The following ZRANB3 variants were observed in gnomAD, a reference collection of about 807,000 sequenced individuals.
The protein encoded by ZRANB3 is DNA annealing helicase and endonuclease ZRANB3.
In ZRANB3, 125 loss-of-function variants were observed where a neutral mutation model predicts 133.8. The observed-to-expected ratio is 0.93, with a 90% CI of 0.81 to 1.08. ZRANB3 has a LOEUF of 1.08. Ranked by LOEUF, ZRANB3 falls within the 50% of genes least tolerant of loss-of-function variation. The probability of loss-of-function intolerance (pLI) is 0.00; values close to 1 mark genes in which losing one functional copy is unlikely to be tolerated. For missense variants in ZRANB3, 1,229 were observed against 1,275.5 expected (o/e 0.96, Z 0.56); for synonymous variants, 387 against 432.7 (o/e 0.89, Z 1.31).
At chr2:135,224,848 A>G (rs1335561927) in intron 14 of ZRANB3, among the ~76,000 whole-genome samples, 1 of 152,150 alleles carries the variant, frequency 6.6e-6, no homozygotes, top group African/African-American at 2.4e-5. Flanking sequence ...AAAAATTTAG[A>G]CTAATCTATT....
At chr2:135,226,588 G>A (rs935680826) in intron 14 of ZRANB3, among the ~76,000 whole-genome samples, 11 of 152,160 alleles carry the variant, frequency 7.2e-5, no homozygotes, top group African/African-American at 2.4e-4. Context: ...AAACTTCAAA[G>A]TGATTTTTAA....
At chr2:135,235,514 T>C (rs1236972424) in intron 12 of ZRANB3, among the ~76,000 whole-genome samples, 2 of 152,182 alleles carry the variant, frequency 1.3e-5, no homozygotes, top group African/African-American at 2.4e-5. Context: ...ATATCCCTGA[T>C]GAACATTGAT....
At chr2:135,511,850 T>G (rs147270656) in intron 1 of ZRANB3, 1 of 765,428 alleles carries the variant, frequency 1.3e-6, no homozygotes. Flanking sequence ...CCATAAAATC[T>G]ATGCAGCATG....
In ZRANB3 at chr2:135,200,397, T is replaced by C; in HGVS notation, c.3185A>G (p.Gln1062Arg). ...TGATCCATGCTTTGATGCTAGAGATTGTCTTCTCACCTGGCTTCTTTCCTT... is the reference window on the plus strand; with the variant it reads ...TGATCCATGCTTTGATGCTAGAGATCGTCTTCTCACCTGGCTTCTTTCCTT... ...QAKERSQVRR[Q>R]SLASKHGSDI... Residue 1062 changes from glutamine (Q) to arginine (R), a missense_variant, in exon 21 of 21, where the codon CAA becomes CGA. Physicochemically the swap from Gln to Arg is conservative, Grantham distance 43. Coordinates refer to ENST00000264159, the MANE Select transcript of ZRANB3 (RefSeq NM_032143.4). 6.2e-7 allele frequency: 1 copy of C among 1,608,146 alleles called. No homozygotes were observed. The highest frequency in any genetic ancestry group is 8.5e-7 in the Non-Finnish European group (1 of 1,177,068).
rs1460400322 is a variant in ZRANB3 at position 135,430,923 on chromosome 2, T to G, written c.162-40103A>C. Among the ~76,000 whole-genome samples the G allele has an allele frequency of 2.0e-5, 3 of 151,856 alleles. No individual in the cohort carries two copies. The East Asian group carries it at 5.8e-4, about 29-fold the overall frequency. On this transcript the variant is annotated intron_variant, in intron 2 of 20. Transcript: ENST00000264159. Reference sequence around the variant, plus strand: ...CCTCATACCATATACAAACTTGAAGTAGAAACACAGATCTATATGTAAAAC... The same window carrying G: ...CCTCATACCATATACAAACTTGAAGGAGAAACACAGATCTATATGTAAAAC...
chr2:135,373,800 A>AGGG (rs1553481047), intron 3 of ZRANB3, among the ~76,000 whole-genome samples: 1 of 14,180 alleles, frequency 7.1e-5, no homozygotes, highest in African/African-American at 1.9e-4. Context: ...AAGAAAAGAA[A>AGGG]GAGGGGAGGG....
intron 1 of ZRANB3, among the ~76,000 whole-genome samples, chr2:135,515,689 G>A (rs1397909365): frequency 6.6e-6 from 1 of 152,186 alleles, no homozygotes; most frequent in Non-Finnish European, 1.5e-5. Flanking sequence ...TTGCTGAGGA[G>A]TGCATTACAT....
intron 2 of ZRANB3, among the ~76,000 whole-genome samples, chr2:135,448,657 CA>C (rs1244810074): frequency 1.3e-5 from 2 of 152,166 alleles, no homozygotes; most frequent in Non-Finnish European, 2.9e-5. Flanking sequence ...AGACTTCATG[CA>C]CTCTGATTAA....
At chr2:135,326,672 C>T (rs923070269) in intron 6 of ZRANB3, among the ~76,000 whole-genome samples, 5 of 151,826 alleles carry the variant, frequency 3.3e-5, no homozygotes, top group South Asian at 2.1e-4. Context: ...GAGGCTGAGG[C>T]GGGCAGATCA....
intron 3 of ZRANB3, among the ~76,000 whole-genome samples, chr2:135,376,028 T>A (rs1686414412): frequency 6.6e-6 from 1 of 152,222 alleles, no homozygotes; most frequent in Non-Finnish European, 1.5e-5. Flanking sequence ...TAGAGTAACC[T>A]TAATTCAATC....
intron 8 of ZRANB3, among the ~76,000 whole-genome samples, chr2:135,307,416 T>C (rs1682758638): frequency 2.0e-5 from 3 of 152,250 alleles, no homozygotes; most frequent in Admixed American, 1.3e-4. Flanking sequence ...TAACTGATAC[T>C]GTGTTTTCTA....
chr2:135,410,426 T>A (rs1161611355), intron 2 of ZRANB3, among the ~76,000 whole-genome samples: 1 of 152,176 alleles, frequency 6.6e-6, no homozygotes, highest in African/African-American at 2.4e-5. Context: ...GATAACTGTC[T>A]AGCCATATGC....
chr2:135,383,305 A>C (rs1250975249), intron 3 of ZRANB3, among the ~76,000 whole-genome samples: 1 of 152,244 alleles, frequency 6.6e-6, no homozygotes, highest in Non-Finnish European at 1.5e-5. Flanking sequence ...ACTATCCCAA[A>C]TATACATGCA....
At position 135,232,994 on chromosome 2, in the gene ZRANB3, C is replaced by T. The variant is rs553481429; in HGVS notation, c.1540-2067G>A. 1.5e-4 allele frequency among the ~76,000 whole-genome samples: 23 copies of T among 152,158 alleles called. No homozygotes were observed. In the East Asian group the frequency reaches 1.9e-3, roughly 13 times the overall value. ...AAGGCTTCCGACAATCAAACTATTC[C>T]GAGCTAAAGGAGGAAGTTTCAGCCA... is the stretch of plus-strand genomic sequence containing the variant. On this transcript the variant is annotated intron_variant, in intron 12 of 20. Transcript: ENST00000264159.
chr2:135,473,546 TA>T (rs548673772), intron 2 of ZRANB3, among the ~76,000 whole-genome samples: 5,462 of 135,408 alleles, frequency 0.04, 261 homozygotes, highest in African/African-American at 0.12. Flanking sequence ...AGTAATATGC[TA>T]AAAAAAAAAA....
chr2:135,245,926 C>CAAAAAAAAAAAAAAAAAAAAA lies in ZRANB3; in HGVS notation c.1540-15020_1540-15000dup, dbSNP rs1177438717. On this transcript the variant is annotated intron_variant, in intron 12 of 20. Coordinates refer to ENST00000264159, the MANE Select transcript of ZRANB3 (RefSeq NM_032143.4). Reference sequence around the variant, plus strand: ...GGGCAACGAGATTGAAACTCCGTCTCAAAAAAAAAAAAAAAAAAAAAAGAG... The same window carrying CAAAAAAAAAAAAAAAAAAAAA: ...GGGCAACGAGATTGAAACTCCGTCTCAAAAAAAAAAAAAAAAAAAAAAAAAAAAAAAAAAAAAAAAAAAGAG... Among the ~76,000 whole-genome samples, 30 of 19,552 alleles carry CAAAAAAAAAAAAAAAAAAAAA rather than the reference C, an allele frequency of 1.5e-3. 7 individuals carry two copies. Among genetic ancestry groups the CAAAAAAAAAAAAAAAAAAAAA allele is most frequent in the African/African-American group, 7.7e-3 (27 of 3,508 alleles). The allele number at this position is 19,552 out of a possible 152,430, so 12.8% of individuals were successfully genotyped here. A position where few individuals can be genotyped will look rare whatever the true frequency, so the allele number is the denominator to read the frequency against.
chr2:135,247,609 T>G (rs1695857109), intron 12 of ZRANB3, among the ~76,000 whole-genome samples: 1 of 151,976 alleles, frequency 6.6e-6, no homozygotes, highest in African/African-American at 2.4e-5. Context: ...AAGTGGGAGG[T>G]TAGACTCCTG....
intron 2 of ZRANB3, among the ~76,000 whole-genome samples, chr2:135,481,190 A>G (rs1490170513): frequency 6.6e-6 from 1 of 151,254 alleles, no homozygotes; most frequent in Non-Finnish European, 1.5e-5. Context: ...GAATCGCCAC[A>G]CTGACTTCCA....
chr2:135,467,126 G>C (rs560484372), intron 2 of ZRANB3, among the ~76,000 whole-genome samples: 117 of 152,200 alleles, frequency 7.7e-4, no homozygotes, highest in African/African-American at 2.6e-3. Context: ...CTCTTCCGAT[G>C]GCTTAATGTG....
Sources: gnomAD v4.1 joint callset for allele counts (sites outside exome capture counted in the v4.1 genomes callset) on GRCh38, gnomAD v4.1.1 for gene constraint, MANE v1.5 for transcripts, NCBI Gene and HGNC (gene_info 2026-07-23, HGNC 2026-07-21) for gene names.